Variants in PCDHGA2 observed in about 807,000 individuals in gnomAD.
PCDHGA2 encodes the protein protocadherin gamma-A2.
A neutral mutation model predicts 59.2 loss-of-function variants in PCDHGA2; 40 were observed. The ratio of observed to expected loss-of-function variants is 0.68; its 90% CI spans 0.52 to 0.88. The LOEUF is 0.88. Among genes scored for constraint, PCDHGA2 ranks in the 40% least tolerant of loss-of-function variants. The probability of loss-of-function intolerance (pLI) is 0.00; values close to 1 mark genes in which losing one functional copy is unlikely to be tolerated. For missense variants in PCDHGA2, 1,226 were observed against 1,204.0 expected, an observed-to-expected ratio of 1.02 and a Z score of -0.27; for synonymous variants, 560 against 526.0, an observed-to-expected ratio of 1.06 and a Z score of -0.89.
chr5:141,392,641 C>G (rs541777624), intron 1 of PCDHGA2: 2 of 655,502 alleles, frequency 3.1e-6, no homozygotes, highest in Non-Finnish European at 2.5e-6. Context: ...TCACACCTCA[C>G]GAAGACCCGC....
intron 1 of PCDHGA2, chr5:141,439,900 A>G (rs562278732): frequency 6.6e-5 from 10 of 152,362 alleles, no homozygotes; most frequent in African/African-American, 2.2e-4. Flanking sequence ...CAAGGCGACT[A>G]CTGCCTCCTT....
At position 141,383,195 on chromosome 5, in the gene PCDHGA2, G is replaced by A. The variant is rs765730698; in HGVS notation, c.2424+41800G>A. On this transcript the variant is annotated intron_variant, in intron 1 of 3. Transcript: ENST00000394576. ...GACCGGGAAGAGATCTGCGCTCAGA[G>A]TGCGCGGTGTCTGGTAAACTTTAAC... 18 of 1,614,044 alleles carry A rather than the reference G, an allele frequency of 1.1e-5. No homozygotes were observed. Among genetic ancestry groups the A allele is most frequent in the Non-Finnish European group, 1.5e-5 (18 of 1,179,940 alleles).
intron 1 of PCDHGA2, among the ~76,000 whole-genome samples, chr5:141,425,293 T>A (rs1332220576): frequency 1.3e-5 from 2 of 152,172 alleles, no homozygotes; most frequent in African/African-American, 4.8e-5. Context: ...TTATAAAACC[T>A]CATCTAAACT....
At chr5:141,355,371 G>T (rs777676275) in intron 1 of PCDHGA2, 2 of 1,614,052 alleles carry the variant, frequency 1.2e-6, no homozygotes, top group South Asian at 1.1e-5. Flanking sequence ...TGGCGCCCCG[G>T]GAGCTGGCGG....
chr5:141,383,564 G>T (rs767546411), intron 1 of PCDHGA2: 1 of 1,613,046 alleles, frequency 6.2e-7, no homozygotes, highest in South Asian at 1.1e-5. Flanking sequence ...GACCCGCCCC[G>T]ATCCAGCACC....
rs1264878386 is a variant in PCDHGA2 at position 141,366,663 on chromosome 5, C to T, written c.2424+25268C>T. ...TTTCCCCAGCCCAACTACGCAGACA[C>T]GCTCCTTAGTGAAGAGAGCTGTGAG... On this transcript the variant is annotated intron_variant, in intron 1 of 3. Coordinates refer to ENST00000394576, the MANE Select transcript of PCDHGA2 (RefSeq NM_018915.4). The T allele has an allele frequency of 1.9e-6, 3 of 1,614,242 alleles. No individual in the cohort carries two copies. Among genetic ancestry groups the T allele is most frequent in the Non-Finnish European group, 2.5e-6 (3 of 1,180,042 alleles).
chr5:141,492,873 C>G (rs2099744714), intron 1 of PCDHGA2, among the ~76,000 whole-genome samples: 1 of 152,182 alleles, frequency 6.6e-6, no homozygotes, highest in Non-Finnish European at 1.5e-5. Context: ...CTCTCAACCC[C>G]CAGAGATACA....
intron 1 of PCDHGA2, chr5:141,421,154 G>A: frequency 8.7e-7 from 1 of 1,151,318 alleles, no homozygotes; most frequent in South Asian, 1.6e-5. Flanking sequence ...GTCGGCCTAG[G>A]ACTTCATAGA....
rs766795269 is a variant in PCDHGA2, at chr5:141,394,804, T to C, written c.2424+53409T>C. Reference sequence around the variant, plus strand: ...GCCACTGTCACGCTCACCGTAGCCGTGGCTGACAGCATCCCCGAAGTCCTG... The same window carrying C: ...GCCACTGTCACGCTCACCGTAGCCGCGGCTGACAGCATCCCCGAAGTCCTG... On this transcript the variant is annotated intron_variant, in intron 1 of 3. Coordinates refer to ENST00000394576, the MANE Select transcript of PCDHGA2 (RefSeq NM_018915.4). 8 of 1,613,850 alleles carry C rather than the reference T, an allele frequency of 5.0e-6. No individual in the cohort carries two copies. In the South Asian group the frequency reaches 6.6e-5, roughly 13 times the overall value.
intron 1 of PCDHGA2, chr5:141,395,381 A>G (rs562557513): frequency 2.0e-4 from 223 of 1,094,768 alleles, no homozygotes; most frequent in African/African-American, 1.2e-3. Context: ...TGGTGTTACT[A>G]TAAAATTGAA....
At chr5:141,405,203 C>A in intron 1 of PCDHGA2, 2 of 1,613,520 alleles carry the variant, frequency 1.2e-6, no homozygotes, top group Non-Finnish European at 1.7e-6. Flanking sequence ...AGCTTTCCTA[C>A]AGACCTATTC....
intron 1 of PCDHGA2, chr5:141,351,588 A>G: frequency 6.2e-7 from 1 of 1,614,022 alleles, no homozygotes; most frequent in South Asian, 1.1e-5. Flanking sequence ...GACATCAACG[A>G]CAATGCACCT....
At chr5:141,404,859 A>G in intron 1 of PCDHGA2, 1 of 1,613,494 alleles carries the variant, frequency 6.2e-7, no homozygotes, top group South Asian at 1.1e-5. Flanking sequence ...CTAGATAGAG[A>G]TGCGCTCAAA....
chr5:141,422,901 C>T (rs768086403), intron 1 of PCDHGA2: 5 of 1,614,276 alleles, frequency 3.1e-6, no homozygotes, highest in Non-Finnish European at 4.2e-6. Context: ...ACCAGAACGA[C>T]AATGCGCCCG....
intron 3 of PCDHGA2, 89 bp from the exon 4 acceptor site, chr5:141,510,858 T>G: frequency 6.2e-7 from 1 of 1,606,182 alleles, no homozygotes; most frequent in Non-Finnish European, 8.5e-7. Context: ...GGGTGCTGTA[T>G]AGGCATTCAT....
chr5:141,359,233 G>A (rs1200901536), intron 1 of PCDHGA2, among the ~76,000 whole-genome samples: 2 of 152,030 alleles, frequency 1.3e-5, no homozygotes, highest in East Asian at 3.8e-4. Flanking sequence ...AGGAGAGATT[G>A]TTTAAAGTAA....
At chr5:141,425,413 T>G (rs2096873899) in intron 1 of PCDHGA2, among the ~76,000 whole-genome samples, 1 of 152,202 alleles carries the variant, frequency 6.6e-6, no homozygotes, top group African/African-American at 2.4e-5. Context: ...AGGTATAACA[T>G]ATAGTCCCAT....
At chr5:141,371,757 G>A in intron 1 of PCDHGA2, 1 of 1,614,002 alleles carries the variant, frequency 6.2e-7, no homozygotes, top group East Asian at 2.2e-5. Flanking sequence ...TTTCCACCAG[G>A]CCTCCTACAC....
intron 1 of PCDHGA2, chr5:141,423,256 G>T (rs751894091): frequency 1.4e-5 from 22 of 1,613,816 alleles, no homozygotes; most frequent in Middle Eastern, 1.6e-4. Flanking sequence ...GGCGGACCTC[G>T]GCAGCCTCGA....
Sources: allele counts gnomAD v4.1 joint callset (sites outside exome capture counted in the v4.1 genomes callset), GRCh38; gene constraint gnomAD v4.1.1; transcripts MANE v1.5; gene names NCBI Gene and HGNC (gene_info 2026-07-23, HGNC 2026-07-21).